SPTB: variants seen among roughly 807,000 people sequenced by gnomAD.
SPTB encodes spectrin beta, erythrocytic.
Under a neutral mutation model 256.2 loss-of-function variants are expected in SPTB, and 45 were observed. That is an observed-to-expected ratio of 0.18 (90% CI 0.14 to 0.23). SPTB has a LOEUF of 0.23. Among genes scored for constraint, SPTB ranks in the 10% least tolerant of loss-of-function variants. The pLI is 1.00. For synonymous variants in SPTB, 1,231 were observed against 1,243.1 expected (o/e 0.99, Z 0.21); for missense variants, 2,715 against 3,040.4 (o/e 0.89, Z 2.52).
At chr14:64,867,498 T>C (rs140932253) in intron 1 of SPTB, among the ~76,000 whole-genome samples, 1 of 152,054 alleles carries the variant, frequency 6.6e-6, no homozygotes, top group Non-Finnish European at 1.5e-5. Flanking sequence ...GGGAAAGAAG[T>C]TTCAGGAGAG....
chr14:64,868,113 A>G (rs558205720), intron 1 of SPTB, among the ~76,000 whole-genome samples: 1 of 152,288 alleles, frequency 6.6e-6, no homozygotes, highest in South Asian at 2.1e-4. Context: ...GAGGGTTTTA[A>G]AGCAGTAGAA....
chr14:64,825,705 C>G lies in SPTB; in HGVS notation c.-51-2560G>C, dbSNP rs553487498. Among the ~76,000 whole-genome samples, 1 of 152,352 alleles carries G rather than the reference C, an allele frequency of 6.6e-6. No homozygotes were observed. Among genetic ancestry groups the G allele is most frequent in the South Asian group, 2.1e-4 (1 of 4,828 alleles). ...AAGAGTGGCTGAGAGAGGCCTGGGC[C>G]GTGGGGCTGGAGAGTGAGATTACCT... On this transcript the variant is annotated intron_variant, in intron 1 of 35. Coordinates refer to ENST00000644917, the MANE Select transcript of SPTB (RefSeq NM_001355436.2). The surrounding 1 kb of genome is among the most constrained non-coding windows in gnomAD (Gnocchi z 4.8).
At chr14:64,874,239 T>C (rs1882697460) in intron 1 of SPTB, among the ~76,000 whole-genome samples, 1 of 152,226 alleles carries the variant, frequency 6.6e-6, no homozygotes, top group South Asian at 2.1e-4. Context: ...TCTTCCATTA[T>C]AGAAATCCTA....
At chr14:64,813,661 T>C (rs984570927) in intron 2 of SPTB, among the ~76,000 whole-genome samples, 2 of 152,222 alleles carry the variant, frequency 1.3e-5, no homozygotes, top group African/African-American at 4.8e-5. Context: ...TAGCTGGGAC[T>C]ACAGGCAAGC....
At position 64,772,885 on chromosome 14, in the gene SPTB, C is replaced by T; in HGVS notation, c.5248G>A (p.Val1750Met). Residue 1750 changes from valine to methionine, a missense_variant, in exon 26 of 36, where the codon GTG (valine) becomes ATG (methionine). Physicochemically the swap from Val to Met is conservative, Grantham distance 21 (BLOSUM62 1). Transcript: ENST00000644917. This position sits in a 1 kb window ranked among gnomAD's most constrained non-coding sequence, Gnocchi z 5.4. Reference sequence around the variant, plus strand: ...ATGAGTCGCTCGATGAAGGCATTCACATTGTCCACCCGCTCCTGCCCAATC... The same window carrying T: ...ATGAGTCGCTCGATGAAGGCATTCATATTGTCCACCCGCTCCTGCCCAATC... The part of the protein sequence containing the change: ...GAIGQERVDN[V>M]NAFIERLIDA... 1 of 1,608,620 alleles carries T rather than the reference C, an allele frequency of 6.2e-7. No homozygotes were observed. The highest frequency in any genetic ancestry group is 1.1e-5 in the South Asian group (1 of 90,970).
At chr14:64,835,235 T>C (rs559024614) in intron 1 of SPTB, among the ~76,000 whole-genome samples, 21 of 152,244 alleles carry the variant, frequency 1.4e-4, no homozygotes, top group South Asian at 1.2e-3. Flanking sequence ...GTCCAGCTTC[T>C]TCAGGCCCTG....
rs201133464 is a variant in SPTB, at chr14:64,749,286, G to A, written c.*20C>T. ...GGTCTCTGCGCGTCCCGACTCCGCC[G>A]CGCCCGCCAGCCCCACCTGCTACTT... On this transcript the variant is annotated 3_prime_UTR_variant, in exon 36 of 36. Coordinates refer to ENST00000644917, the MANE Select transcript of SPTB (RefSeq NM_001355436.2). This position sits in a 1 kb window ranked among gnomAD's most constrained non-coding sequence, Gnocchi z 4.7. 2.6e-4 allele frequency: 414 copies of A among 1,563,288 alleles called. No individual in the cohort carries two copies. The African/African-American group carries it at 4.5e-3, about 17-fold the overall frequency.
chr14:64,849,577 A>T (rs2083746343), intron 1 of SPTB, among the ~76,000 whole-genome samples: 1 of 152,124 alleles, frequency 6.6e-6, no homozygotes, highest in African/African-American at 2.4e-5. Flanking sequence ...TTAGAGCAAA[A>T]TTTTACATTT....
rs2082200590 is a variant in SPTB, at chr14:64,767,294, A to T, written c.6269+9T>A. The T allele has an allele frequency of 6.2e-7, 1 of 1,613,804 alleles. No individual in the cohort carries two copies. Among genetic ancestry groups the T allele is most frequent in the Non-Finnish European group, 8.5e-7 (1 of 1,180,018 alleles). ...CATTCAGCTCCCTGGACACACGGCCACCACTCACCCAGTCTCCTCTGCGGG... is the reference window on the plus strand; with the variant it reads ...CATTCAGCTCCCTGGACACACGGCCTCCACTCACCCAGTCTCCTCTGCGGG... On this transcript the variant is annotated intron_variant, in intron 31 of 35. Coordinates refer to ENST00000644917, the MANE Select transcript of SPTB (RefSeq NM_001355436.2).
At chr14:64,798,101 AT>A (rs1488560520) in intron 9 of SPTB, among the ~76,000 whole-genome samples, 1 of 152,202 alleles carries the variant, frequency 6.6e-6, no homozygotes, top group Non-Finnish European at 1.5e-5. Flanking sequence ...CCACCACAGC[AT>A]TTATCATTTG....
In SPTB at chr14:64,807,335, GATTCTAGCTGGGAACATGGATTA is replaced by G. The variant is rs1302628741; in HGVS notation, c.149-2268_149-2246del. On this transcript the variant is annotated intron_variant, in intron 2 of 35. Coordinates refer to ENST00000644917, the MANE Select transcript of SPTB (RefSeq NM_001355436.2). This position sits in a 1 kb window ranked among gnomAD's most constrained non-coding sequence, Gnocchi z 4.7. ...TGTGCTTGGCAAAGGGTAAGGGAGT[GATTCTAGCTGGGAACATGGATTA>G]ATTCTAGGCCACTGGGCTGGTGCAT... Among the ~76,000 whole-genome samples the G allele has an allele frequency of 1.3e-5, 2 of 152,234 alleles. No homozygotes were observed. Among genetic ancestry groups the G allele is most frequent in the Admixed American group, 6.5e-5 (1 of 15,288 alleles).
At chr14:64,768,032 C>T in intron 29 of SPTB, 173 bp from the exon 30 acceptor site, 5 of 699,262 alleles carry the variant, frequency 7.2e-6, no homozygotes, top group African/African-American at 1.8e-5. Context: ...GGCCCCTAAC[C>T]GATCTTCACA....
In SPTB at chr14:64,800,888, A is replaced by C. The variant is rs1471411088; in HGVS notation, c.764-20T>G. On this transcript the variant is annotated intron_variant, in intron 7 of 35. Transcript: ENST00000644917. ...AGACATCTGTTAGGGAAAAGGGTGTACTCTCAGGACCAAACTGGAAGTCGG... is the reference window on the plus strand; with the variant it reads ...AGACATCTGTTAGGGAAAAGGGTGTCCTCTCAGGACCAAACTGGAAGTCGG... The C allele has an allele frequency of 2.5e-6, 4 of 1,591,366 alleles. No individual in the cohort carries two copies. In the South Asian group the frequency reaches 4.5e-5, roughly 18 times the overall value.
intron 23 of SPTB, among the ~76,000 whole-genome samples, chr14:64,774,799 C>A (rs1010448221): frequency 2.0e-5 from 3 of 152,186 alleles, no homozygotes; most frequent in African/African-American, 7.2e-5. Context: ...CATCCTATAT[C>A]ATTCCAGCTT....
rs998261479 is a variant in SPTB, at chr14:64,747,616, G to A, written c.*1690C>T. On this transcript the variant is annotated 3_prime_UTR_variant, in exon 36 of 36. Coordinates refer to ENST00000644917, the MANE Select transcript of SPTB (RefSeq NM_001355436.2). ...GTGGAACTGATTTCTGCCGGCACTG[G>A]TCAGCACTCAGGGTTCCTCAGGGGG... 3 of 152,338 alleles carry A rather than the reference G, an allele frequency of 2.0e-5. No individual in the cohort carries two copies. The highest frequency in any genetic ancestry group is 7.2e-5 in the African/African-American group (3 of 41,450). 9.4% of individuals were successfully genotyped at this position (152,338 alleles called of 1,614,324 possible).
At chr14:64,813,251 T>C (rs1201040323) in intron 2 of SPTB, among the ~76,000 whole-genome samples, 2 of 152,180 alleles carry the variant, frequency 1.3e-5, no homozygotes, top group Non-Finnish European at 2.9e-5. Context: ...TGGGGACTAA[T>C]AGATGAAAAG....
chr14:64,833,196 C>T (rs1378564713), intron 1 of SPTB, among the ~76,000 whole-genome samples: 3 of 152,162 alleles, frequency 2.0e-5, no homozygotes, highest in Non-Finnish European at 4.4e-5. Context: ...AAAATCCTCG[C>T]TCCTTTACAG....
At chr14:64,763,362 C>A (rs2082120980) in intron 32 of SPTB, among the ~76,000 whole-genome samples, 1 of 152,256 alleles carries the variant, frequency 6.6e-6, no homozygotes, top group African/African-American at 2.4e-5. Context: ...TGCAGCCCCA[C>A]CTCTAGTCCC....
chr14:64,843,124 C>T (rs146088575), intron 1 of SPTB, among the ~76,000 whole-genome samples: 2 of 152,334 alleles, frequency 1.3e-5, no homozygotes, highest in Non-Finnish European at 2.9e-5. Flanking sequence ...CAGACATAGG[C>T]TATCCAGCGT....
Sources: gnomAD v4.1 joint callset for allele counts (sites outside exome capture counted in the v4.1 genomes callset) on GRCh38, gnomAD v4.1.1 for gene constraint, Gnocchi (gnomAD v3.1) non-coding constraint, MANE v1.5 for transcripts, NCBI Gene and HGNC (gene_info 2026-07-23, HGNC 2026-07-21) for gene names.